PARP14: variants seen among roughly 807,000 people sequenced by gnomAD.
PARP14 encodes poly(ADP-ribose) polymerase family member 14, also known as protein mono-ADP-ribosyltransferase PARP14.
A neutral mutation model predicts 154.2 loss-of-function variants in PARP14; 59 were observed. The ratio of observed to expected loss-of-function variants is 0.38; its 90% CI spans 0.31 to 0.48. The LOEUF (loss-of-function observed/expected upper bound fraction) is 0.48. Among genes scored for constraint, PARP14 ranks in the 20% least tolerant of loss-of-function variants. PARP14 has a pLI of 0.98. For missense variants in PARP14, 1,734 were observed against 2,131.6 expected (o/e 0.81, Z 3.67); for synonymous variants, 720 against 780.5 (o/e 0.92, Z 1.29).
chr3:122,697,518 C>G (rs1005070670), intron 5 of PARP14, among the ~76,000 whole-genome samples: 23 of 152,114 alleles, frequency 1.5e-4, no homozygotes, highest in Admixed American at 1.2e-3. Context: ...TCACCTATAA[C>G]GTTAATTTTT....
intron 4 of PARP14, among the ~76,000 whole-genome samples, chr3:122,692,819 G>A (rs918076484): frequency 6.6e-6 from 1 of 152,198 alleles, no homozygotes; most frequent in African/African-American, 2.4e-5. Flanking sequence ...GGGTAAGAAA[G>A]TGCGTGAACA....
intron 3 of PARP14, among the ~76,000 whole-genome samples, chr3:122,689,347 G>A (rs902935397): frequency 1.3e-5 from 2 of 152,100 alleles, no homozygotes; most frequent in African/African-American, 4.8e-5. Flanking sequence ...TTGGAGAGAG[G>A]GTTTCATTCT....
intron 1 of PARP14, among the ~76,000 whole-genome samples, chr3:122,684,028 C>T (rs928732221): frequency 1.3e-4 from 20 of 152,154 alleles, no homozygotes; most frequent in Non-Finnish European, 5.9e-5. Context: ...GCTGGCGTTC[C>T]TTCTCAGGTT....
intron 12 of PARP14, among the ~76,000 whole-genome samples, chr3:122,715,651 TATC>T (rs1560078173): frequency 4.2e-5 from 6 of 141,768 alleles, no homozygotes; most frequent in Non-Finnish European, 9.3e-5. Context: ...TCTATCTATC[TATC>T]GATCTGTCTA....
chr3:122,718,195 ACTGGATGTGTTTTATGC>A lies in PARP14; in HGVS notation c.4127_4143del (p.Leu1376GlnfsTer19). On this transcript the variant is annotated frameshift_variant, in exon 13 of 17. Coordinates refer to ENST00000474629, the MANE Select transcript of PARP14 (RefSeq NM_017554.3). LOFTEE classifies it high-confidence loss of function. Reference sequence around the variant, plus strand: ...AAGTTGTTATCTTTCTGCCTCAAGTACTGGATGTGTTTTATGCCAACATGAAGAAAAGAGAAGGGACT... The same window carrying A: ...AAGTTGTTATCTTTCTGCCTCAAGTACAACATGAAGAAAAGAGAAGGGACT... 6.2e-7 allele frequency: 1 copy of A among 1,613,638 alleles called. No individual in the cohort carries two copies. The highest frequency in any genetic ancestry group is 2.2e-5 in the East Asian group (1 of 44,872).
chr3:122,717,698 C>A (rs1933033269), intron 12 of PARP14, among the ~76,000 whole-genome samples: 1 of 152,104 alleles, frequency 6.6e-6, no homozygotes, highest in African/African-American at 2.4e-5. Context: ...TTAGCATCTG[C>A]TTTTTATGAA....
Position 122,718,066 on chromosome 3 carries a change from T to G in PARP14, c.4001-5T>G. The G allele has an allele frequency of 6.2e-7, 1 of 1,612,878 alleles. No homozygotes were observed. Among genetic ancestry groups the G allele is most frequent in the Non-Finnish European group, 8.5e-7 (1 of 1,179,116 alleles). On this transcript the variant is annotated splice_region_variant and splice_polypyrimidine_tract_variant and intron_variant, in intron 12 of 16. Transcript: ENST00000474629. ...CTTCAGCAATTTTATTATTTGCTTT[T>G]CCAGGAAATGCCAAACAACACCCAG...
intron 9 of PARP14, among the ~76,000 whole-genome samples, chr3:122,709,808 T>G (rs535049655): frequency 1.8e-4 from 28 of 152,358 alleles, no homozygotes; most frequent in African/African-American, 6.0e-4. Flanking sequence ...TGAGCATTTT[T>G]TCTTATGTTT....
chr3:122,720,226 G>A (rs763518647), intron 14 of PARP14, 29 bp from the exon 15 acceptor site: 1 of 1,606,638 alleles, frequency 6.2e-7, no homozygotes, highest in Non-Finnish European at 8.5e-7. Flanking sequence ...GGGGATGTAT[G>A]AGGGCATCCT....
At chr3:122,716,532 A>G (rs1455058706) in intron 12 of PARP14, among the ~76,000 whole-genome samples, 6 of 152,226 alleles carry the variant, frequency 3.9e-5, no homozygotes, top group African/African-American at 1.2e-4. Context: ...CTGCAATGCA[A>G]CGTGAACCAT....
At chr3:122,717,882 G>A (rs527581987) in intron 12 of PARP14, among the ~76,000 whole-genome samples, 189 bp from the exon 13 acceptor site, 1 of 152,246 alleles carries the variant, frequency 6.6e-6, no homozygotes, top group South Asian at 2.1e-4. Context: ...TGACATCCTG[G>A]AACAAAAACA....
At chr3:122,712,688 G>A (rs552445410) in intron 9 of PARP14, among the ~76,000 whole-genome samples, 2 of 152,074 alleles carry the variant, frequency 1.3e-5, no homozygotes, top group South Asian at 2.1e-4. Context: ...CAAGTAGCTG[G>A]GACTACAGTT....
intron 3 of PARP14, among the ~76,000 whole-genome samples, chr3:122,688,991 GGT>G (rs1938460434): frequency 6.6e-6 from 1 of 152,276 alleles, no homozygotes; most frequent in Non-Finnish European, 1.5e-5. Flanking sequence ...GGGTCTGAAA[GGT>G]GGAAACCAGC....
Position 122,700,586 on chromosome 3 carries a change from A to C in PARP14, c.2032A>C (p.Lys678Gln), listed in dbSNP as rs1938930893. 1 of 1,597,100 alleles carries C rather than the reference A, an allele frequency of 6.3e-7. No individual in the cohort carries two copies. The highest frequency in any genetic ancestry group is 1.3e-5 in the African/African-American group (1 of 74,616). ...GAAAATAGAGAGACTGGTTGAAGTA[A>C]AGCCTTCCTTAGTTATTGACTATTT... ...NMKIERLVEV[K>Q]PSLVIDYLKT... The change falls in exon 6 of 17, where the codon AAG (lysine) becomes CAG (glutamine). Residue 678 changes from lysine to glutamine, a missense_variant. By Grantham distance (53) the Lys-to-Gln change is moderately conservative (BLOSUM62 1). This residue lies in a region of PARP14 where 1,646 missense variants were observed against 1,976.0 expected (regional missense o/e 0.83). Transcript: ENST00000474629.
In PARP14 at chr3:122,681,132, C is replaced by A. The variant is rs966770491; in HGVS notation, c.187+62C>A. On this transcript the variant is annotated intron_variant, in intron 1 of 16. Transcript: ENST00000474629. The surrounding 1 kb of genome is among the most constrained non-coding windows in gnomAD (Gnocchi z 5.5). ...CTCTGCCCTCCCTCCAGGGAAATGG[C>A]GGCAGGGCACGCACGGGAGGGTGAC... The A allele has an allele frequency of 6.3e-6, 7 of 1,103,906 alleles. No homozygotes were observed. The highest frequency in any genetic ancestry group is 5.4e-5 in the South Asian group (4 of 73,762). 68.4% of individuals were successfully genotyped at this position (1,103,906 alleles called of 1,614,324 possible). A position where few individuals can be genotyped will look rare whatever the true frequency, so the allele number is the denominator to read the frequency against.
chr3:122,719,075 T>C, intron 14 of PARP14, 117 bp downstream of exon 14: 1 of 1,043,546 alleles, frequency 9.6e-7, no homozygotes, highest in Non-Finnish European at 1.3e-6. Context: ...ACTAATGAAA[T>C]AAACTAGAAA....
chr3:122,695,450 G>A lies in PARP14; in HGVS notation c.623G>A (p.Cys208Tyr). Residue 208 changes from cysteine to tyrosine, a missense_variant, in exon 5 of 17, where the codon TGT becomes TAT. This residue lies in a region of PARP14 where 1,646 missense variants were observed against 1,976.0 expected (regional missense o/e 0.83). Transcript: ENST00000474629. ...HIDTIRFVDD[C>Y]TKHHSIKQLQ... ...GATACTATAAGATTTGTTGATGATT[G>A]TACCAAGCACCATTCAATTAAACAA... The A allele has an allele frequency of 1.9e-6, 3 of 1,562,442 alleles. No individual in the cohort carries two copies. The highest frequency in any genetic ancestry group is 2.6e-6 in the Non-Finnish European group (3 of 1,139,262).
intron 7 of PARP14, 148 bp from the exon 8 acceptor site, chr3:122,704,379 T>C: frequency 1.7e-6 from 1 of 602,094 alleles, no homozygotes; most frequent in South Asian, 2.2e-5. Flanking sequence ...CCTTCTCCTG[T>C]ATTTTTCTTT....
intron 6 of PARP14, among the ~76,000 whole-genome samples, chr3:122,702,463 G>T (rs528527400): frequency 1.3e-5 from 2 of 152,136 alleles, no homozygotes; most frequent in South Asian, 2.1e-4. Context: ...CGGGTGATCC[G>T]CCTGCTTCAG....
Sources: allele counts gnomAD v4.1 joint callset (sites outside exome capture counted in the v4.1 genomes callset), GRCh38; gene constraint gnomAD v4.1.1; regional missense constraint gnomAD v4.1.1; non-coding constraint Gnocchi (gnomAD v3.1); transcripts MANE v1.5; gene names NCBI Gene and HGNC (gene_info 2026-07-23, HGNC 2026-07-21).